Variants in CD36 observed in about 807,000 individuals in gnomAD.
The protein encoded by CD36 is CD36 molecule (CD36 blood group).
A neutral mutation model predicts 55.2 loss-of-function variants in CD36; 119 were observed. That is an observed-to-expected ratio of 2.15 (90% CI 1.86 to 2.51). The LOEUF (loss-of-function observed/expected upper bound fraction) is 2.51. Among genes scored for constraint, CD36 ranks in the 30% most tolerant of loss-of-function variants. The pLI, the probability that CD36 is intolerant of heterozygous loss-of-function variation, is 0.00. For missense variants in CD36, 819 were observed against 555.5 expected, an observed-to-expected ratio of 1.47 and a Z score of -4.77; for synonymous variants, 186 against 193.6, an observed-to-expected ratio of 0.96 and a Z score of 0.33.
At chr7:80,672,701 A>G (rs1797814090) in intron 11 of CD36, 69 bp from the exon 12 acceptor site, 1 of 1,087,432 alleles carries the variant, frequency 9.2e-7, no homozygotes, top group Admixed American at 1.9e-5. Flanking sequence ...GCTGTAAGAA[A>G]AATAAGTTTT....
At chr7:80,629,504 G>A (rs938104359) in intron 1 of CD36, among the ~76,000 whole-genome samples, 9 of 151,958 alleles carry the variant, frequency 5.9e-5, no homozygotes, top group Non-Finnish European at 1.2e-4. Flanking sequence ...ATCAACATAT[G>A]GAGAAACTTT....
chr7:80,652,977 A>G (rs1407219891), intron 3 of CD36, among the ~76,000 whole-genome samples: 1 of 152,194 alleles, frequency 6.6e-6, no homozygotes, highest in Non-Finnish European at 1.5e-5. Context: ...CAAAAATACT[A>G]AGTCTATATG....
chr7:80,630,050 C>A (rs755499280), intron 1 of CD36, among the ~76,000 whole-genome samples: 38 of 152,032 alleles, frequency 2.5e-4, no homozygotes, highest in Non-Finnish European at 4.9e-4. Flanking sequence ...GTAAATAGCA[C>A]AAGTTTCATC....
chr7:80,665,809 A>T (rs1199133143), intron 7 of CD36: 1 of 152,152 alleles, frequency 6.6e-6, no homozygotes, highest in Non-Finnish European at 1.5e-5. Context: ...AAAAGTGAGG[A>T]TGCAGGGAAA....
chr7:80,666,433 C>G lies in CD36; in HGVS notation c.702-10C>G, dbSNP rs766255139. 6 of 1,568,376 alleles carry G rather than the reference C, an allele frequency of 3.8e-6. No homozygotes were observed. The South Asian group carries it at 5.5e-5, about 14-fold the overall frequency. On this transcript the variant is annotated splice_polypyrimidine_tract_variant and intron_variant, in intron 7 of 14. Coordinates refer to ENST00000447544, the MANE Select transcript of CD36 (RefSeq NM_001001548.3). ...AAGAATGTTTATTCATTGTCTTTTT[C>G]TATTCCTAGGAATCTGTCCTATTGG...
At chr7:80,647,659 G>A (rs1334089938) in intron 3 of CD36, among the ~76,000 whole-genome samples, 1 of 152,130 alleles carries the variant, frequency 6.6e-6, no homozygotes, top group Non-Finnish European at 1.5e-5. Context: ...CTAAATCAGG[G>A]ATGGCAAATT....
At chr7:80,642,732 A>T (rs184841330) in intron 1 of CD36, among the ~76,000 whole-genome samples, 457 of 152,238 alleles carry the variant, frequency 3.0e-3, no homozygotes, top group African/African-American at 0.011. Flanking sequence ...AGAGGCAATC[A>T]ATCAGTTGAA....
At chr7:80,635,145 A>G (rs1419972661), upstream of CD36, among the ~76,000 whole-genome samples, 1 of 152,148 alleles carries the variant, frequency 6.6e-6, no homozygotes, top group Non-Finnish European at 1.5e-5. Context: ...TCTGAGGAAT[A>G]CAATTGGGGA....
At chr7:80,604,347 G>A (rs1186665977) in intron 1 of CD36, among the ~76,000 whole-genome samples, 1 of 87,098 alleles carries the variant, frequency 1.1e-5, no homozygotes, top group African/African-American at 4.0e-5. Flanking sequence ...CTAAGCCACT[G>A]GAATTTTTTT....
chr7:80,638,701 A>G lies in CD36; in HGVS notation c.-229A>G, dbSNP rs1794598214. Reference sequence around the variant, plus strand: ...ATTTGATCCTATTAAGAATTGTCCAAATGTTGGAGCATTTGATTGAAAAAT... The same window carrying G: ...ATTTGATCCTATTAAGAATTGTCCAGATGTTGGAGCATTTGATTGAAAAAT... On this transcript the variant is annotated 5_prime_UTR_variant, in exon 1 of 15. Coordinates refer to ENST00000447544, the MANE Select transcript of CD36 (RefSeq NM_001001548.3). 2 of 151,896 alleles carry G rather than the reference A, an allele frequency of 1.3e-5. No homozygotes were observed. The highest frequency in any genetic ancestry group is 4.8e-5 in the African/African-American group (2 of 41,410). 9.4% of individuals were successfully genotyped at this position (151,896 alleles called of 1,614,324 possible). A position where few individuals can be genotyped will look rare whatever the true frequency, so the allele number is the denominator to read the frequency against.
Position 80,670,294 on chromosome 7 carries a change from C to G in CD36, c.818+272C>G, listed in dbSNP as rs3211935. The G allele has an allele frequency of 1.8e-3, 773 of 440,452 alleles. 12 individuals carry two copies. Among genetic ancestry groups the G allele is most frequent in the African/African-American group, 0.014 (707 of 49,950 alleles). The allele number at this position is 440,452 out of a possible 1,614,324, so 27.3% of individuals were successfully genotyped here. ...AGGGCGTGCCCAATCTTTCTAAAGA[C>G]ATACAGAGAAGATGATGCAAATGTA... On this transcript the variant is annotated intron_variant, in intron 9 of 14. Transcript: ENST00000447544.
chr7:80,666,561 CAG>C (rs1797115000), intron 8 of CD36, 72 bp downstream of exon 8: 1 of 1,153,540 alleles, frequency 8.7e-7, no homozygotes, highest in African/African-American at 1.5e-5. Flanking sequence ...GTTGTACTGA[CAG>C]TGTTCTGAAA....
At chr7:80,657,495 G>C (rs1474977205) in intron 4 of CD36, among the ~76,000 whole-genome samples, 3 of 152,060 alleles carry the variant, frequency 2.0e-5, no homozygotes, top group Non-Finnish European at 2.9e-5. Context: ...TAGAGTATTA[G>C]AACTAGAGGA....
chr7:80,626,060 G>A (rs1276704525), intron 1 of CD36: 1 of 152,026 alleles, frequency 6.6e-6, no homozygotes, highest in Non-Finnish European at 1.5e-5. Flanking sequence ...ACAAATTTTT[G>A]TATTTTTCCT....
intron 3 of CD36, 66 bp from the exon 4 acceptor site, chr7:80,656,474 A>T: frequency 6.8e-7 from 1 of 1,479,846 alleles, no homozygotes; most frequent in East Asian, 2.3e-5. Context: ...AAGGCTGCAA[A>T]CAATCTTCCA....
At chr7:80,631,055 G>C (rs552430797) in intron 1 of CD36, among the ~76,000 whole-genome samples, 1 of 152,114 alleles carries the variant, frequency 6.6e-6, no homozygotes, top group Non-Finnish European at 1.5e-5. Flanking sequence ...CATCGTGTCC[G>C]AGAAGTCTCT....
chr7:80,663,239 A>ATAAT, intron 6 of CD36, 70 bp downstream of exon 6: 1 of 1,282,774 alleles, frequency 7.8e-7, no homozygotes, highest in Non-Finnish European at 1.1e-6. Flanking sequence ...TTGGCAAGGC[A>ATAAT]TAATTTTATA....
At chr7:80,629,954 A>G (rs1793981302) in intron 1 of CD36, among the ~76,000 whole-genome samples, 1 of 151,976 alleles carries the variant, frequency 6.6e-6, no homozygotes, top group South Asian at 2.1e-4. Flanking sequence ...ATTTGCATCA[A>G]AAGACTTAGA....
chr7:80,662,126 C>T (rs891797435), intron 5 of CD36, among the ~76,000 whole-genome samples: 8 of 152,204 alleles, frequency 5.3e-5, no homozygotes, highest in Non-Finnish European at 1.0e-4. Context: ...TGCATTAGCA[C>T]ACTGGCATCA....
Sources: gnomAD v4.1 joint callset for allele counts (sites outside exome capture counted in the v4.1 genomes callset) on GRCh38, gnomAD v4.1.1 for gene constraint, MANE v1.5 for transcripts, NCBI Gene and HGNC (gene_info 2026-07-23, HGNC 2026-07-21) for gene names.